The following TBC1D1 variants were observed in gnomAD, a reference collection of about 807,000 sequenced individuals.
TBC1D1 encodes the protein TBC1 (tre-2/USP6, BUB2, cdc16) domain family, member 1.
Under a neutral mutation model 125.6 loss-of-function variants are expected in TBC1D1, and 89 were observed. The observed-to-expected ratio is 0.71, with a 90% CI of 0.60 to 0.85. TBC1D1 has a LOEUF of 0.85. Ranked by LOEUF, TBC1D1 falls within the 40% of genes least tolerant of loss-of-function variation. The probability of loss-of-function intolerance (pLI) is 0.00; values close to 1 mark genes in which losing one functional copy is unlikely to be tolerated. For synonymous variants in TBC1D1, 565 were observed against 564.1 expected (o/e 1.00, Z -0.02); for missense variants, 1,377 against 1,469.2 (o/e 0.94, Z 1.03).
chr4:37,988,694 A>G (rs924262907), intron 2 of TBC1D1, among the ~76,000 whole-genome samples: 1 of 152,180 alleles, frequency 6.6e-6, no homozygotes, highest in Non-Finnish European at 1.5e-5. Context: ...GCTAAGATCC[A>G]AACAGAGCTC....
intron 8 of TBC1D1, among the ~76,000 whole-genome samples, chr4:38,040,510 G>A (rs1428866921): frequency 2.0e-5 from 3 of 152,104 alleles, no homozygotes; most frequent in Admixed American, 6.6e-5. Context: ...GATGTTCTCC[G>A]TCTCTTGTCC....
chr4:37,921,562 A>G (rs1721005592), intron 2 of TBC1D1, among the ~76,000 whole-genome samples: 1 of 151,118 alleles, frequency 6.6e-6, no homozygotes, highest in Non-Finnish European at 1.5e-5. Flanking sequence ...ACGCGCCACC[A>G]TGCCCAGCTA....
chr4:38,051,817 T>C (rs1750606435), intron 11 of TBC1D1, 82 bp from the exon 12 acceptor site: 4 of 1,375,204 alleles, frequency 2.9e-6, no homozygotes, highest in Non-Finnish European at 4.0e-6. Flanking sequence ...AGCGGTGTGC[T>C]CCTTCCACCT....
At chr4:37,923,180 C>T (rs1721384166) in intron 2 of TBC1D1, among the ~76,000 whole-genome samples, 1 of 152,090 alleles carries the variant, frequency 6.6e-6, no homozygotes, top group Admixed American at 6.5e-5. Context: ...CTGTTCAACT[C>T]CCACTTATGA....
chr4:37,907,223 G>A (rs1421390148), intron 2 of TBC1D1, among the ~76,000 whole-genome samples: 5 of 152,170 alleles, frequency 3.3e-5, no homozygotes, highest in Admixed American at 3.3e-4. Context: ...GGAAAATGGA[G>A]CACTATATCC....
chr4:38,044,523 A>T, intron 9 of TBC1D1, 33 bp downstream of exon 9: 2 of 1,592,240 alleles, frequency 1.3e-6, no homozygotes, highest in Non-Finnish European at 1.7e-6. Flanking sequence ...ATTTAAGTTA[A>T]ATCACTTTTT....
At chr4:38,046,045 T>C (rs1749384894) in intron 10 of TBC1D1, 142 bp downstream of exon 10, 2 of 695,506 alleles carry the variant, frequency 2.9e-6, no homozygotes, top group East Asian at 5.3e-5. Flanking sequence ...CATGCAGTTC[T>C]ATCATAACAT....
chr4:38,030,622 A>G (rs930762253), intron 7 of TBC1D1, among the ~76,000 whole-genome samples: 1 of 152,238 alleles, frequency 6.6e-6, no homozygotes, highest in African/African-American at 2.4e-5. Context: ...AGTGCCAGCT[A>G]ATGTGCTTGA....
intron 10 of TBC1D1, among the ~76,000 whole-genome samples, chr4:38,046,853 G>A (rs965610491): frequency 3.9e-5 from 6 of 152,182 alleles, no homozygotes; most frequent in Non-Finnish European, 7.3e-5. Context: ...AGGGAGGCCA[G>A]CTTTCCCTTC....
chr4:37,947,408 C>T (rs749599300), intron 2 of TBC1D1, among the ~76,000 whole-genome samples: 7 of 152,160 alleles, frequency 4.6e-5, no homozygotes, highest in Non-Finnish European at 8.8e-5. Context: ...CCACCTGCTT[C>T]GGTCTCCCAA....
At position 37,940,733 on chromosome 4, in the gene TBC1D1, A is replaced by G. The variant is rs1560506124; in HGVS notation, c.417+38221A>G. 3.3e-5 allele frequency among the ~76,000 whole-genome samples: 5 copies of G among 152,182 alleles called. No homozygotes were observed. The South Asian group carries it at 8.3e-4, about 25-fold the overall frequency. On this transcript the variant is annotated intron_variant, in intron 2 of 19. Transcript: ENST00000261439. ...AATTCATTGAGAGTTTTTAGCATGA[A>G]GGGCTGTTGAATTTTGTCAAAGGCT... is the stretch of plus-strand genomic sequence containing the variant.
intron 2 of TBC1D1, among the ~76,000 whole-genome samples, chr4:37,915,496 A>G (rs1450398124): frequency 6.6e-6 from 1 of 152,216 alleles, no homozygotes; most frequent in Non-Finnish European, 1.5e-5. Context: ...GCAATCAGGT[A>G]GAGAGCAAAT....
chr4:37,977,427 C>CGCCCGCGG lies in TBC1D1; in HGVS notation c.418-37077_418-37070dup, dbSNP rs1733388435. 1 of 956,870 alleles carries CGCCCGCGG rather than the reference C, an allele frequency of 1.0e-6. No individual in the cohort carries two copies. Among genetic ancestry groups the CGCCCGCGG allele is most frequent in the Non-Finnish European group, 1.2e-6 (1 of 804,676 alleles). 59.3% of individuals were successfully genotyped at this position (956,870 alleles called of 1,614,324 possible). A position where few individuals can be genotyped will look rare whatever the true frequency, so the allele number is the denominator to read the frequency against. The stretch of plus-strand genomic sequence containing the variant: ...GCCGCTCCCCAAGCCCGCCCCCGGC[C>CGCCCGCGG]GCCCGCGGGCCCACGGGCCGGCGGC... On this transcript the variant is annotated intron_variant, in intron 2 of 19. Transcript: ENST00000261439. This position sits in a 1 kb window ranked among gnomAD's most constrained non-coding sequence, Gnocchi z 4.3.
chr4:37,939,021 C>A (rs1295710127), intron 2 of TBC1D1, among the ~76,000 whole-genome samples: 2 of 152,270 alleles, frequency 1.3e-5, no homozygotes, highest in Admixed American at 6.5e-5. Context: ...CATGATTTAT[C>A]ATCCTTTGGG....
At chr4:37,903,510 C>G (rs1353260223) in intron 2 of TBC1D1, among the ~76,000 whole-genome samples, 1 of 152,196 alleles carries the variant, frequency 6.6e-6, no homozygotes, top group Non-Finnish European at 1.5e-5. Context: ...ATGCGAGTGT[C>G]AATCCACCTG....
chr4:38,132,597 C>G (rs1030216796), intron 18 of TBC1D1: 6 of 165,834 alleles, frequency 3.6e-5, no homozygotes, highest in African/African-American at 1.4e-4. Flanking sequence ...GTAAACAGTC[C>G]CATTACTTAG....
At chr4:38,119,244 A>G (rs1763469566) in intron 17 of TBC1D1, among the ~76,000 whole-genome samples, 2 of 152,196 alleles carry the variant, frequency 1.3e-5, no homozygotes, top group Admixed American at 6.5e-5. Flanking sequence ...TTAAATATCC[A>G]AATTCTAGAA....
At chr4:38,025,395 G>A (rs542288658) in intron 6 of TBC1D1, among the ~76,000 whole-genome samples, 1 of 152,224 alleles carries the variant, frequency 6.6e-6, no homozygotes. Flanking sequence ...ACCCAGGAGG[G>A]GCTAGCTGTG....
At chr4:38,016,150 G>A (rs1742670912) in intron 3 of TBC1D1, among the ~76,000 whole-genome samples, 1 of 152,218 alleles carries the variant, frequency 6.6e-6, no homozygotes, top group South Asian at 2.1e-4. Context: ...GCAACTGAGT[G>A]CACAAATAAT....
Sources: allele counts gnomAD v4.1 joint callset (sites outside exome capture counted in the v4.1 genomes callset), GRCh38; gene constraint gnomAD v4.1.1; non-coding constraint Gnocchi (gnomAD v3.1); transcripts MANE v1.5; gene names NCBI Gene and HGNC (gene_info 2026-07-23, HGNC 2026-07-21).